The following SIPA1L3 variants were observed in gnomAD, a reference collection of about 807,000 sequenced individuals.
The protein encoded by SIPA1L3 is signal-induced proliferation-associated 1-like protein 3.
Under a neutral mutation model 150.1 loss-of-function variants are expected in SIPA1L3, and 59 were observed. The ratio of observed to expected loss-of-function variants is 0.39; its 90% CI spans 0.32 to 0.49. The LOEUF (loss-of-function observed/expected upper bound fraction) is 0.49, where lower values mean the gene tolerates loss of function less well. Ranked by LOEUF, SIPA1L3 falls within the 20% of genes least tolerant of loss-of-function variation. The probability of loss-of-function intolerance (pLI) is 0.86; values close to 1 mark genes in which losing one functional copy is unlikely to be tolerated. For missense variants in SIPA1L3, 2,211 were observed against 2,489.5 expected (o/e 0.89, Z 2.38); for synonymous variants, 1,070 against 1,077.6 (o/e 0.99, Z 0.14).
intron 1 of SIPA1L3, among the ~76,000 whole-genome samples, chr19:37,967,426 G>T (rs2046914129): frequency 6.6e-6 from 1 of 151,956 alleles, no homozygotes; most frequent in African/African-American, 2.4e-5. Flanking sequence ...GTTAATTTTT[G>T]TATTTTTAGT....
At chr19:37,979,799 G>A (rs1004544153) in intron 1 of SIPA1L3, among the ~76,000 whole-genome samples, 1 of 152,246 alleles carries the variant, frequency 6.6e-6, no homozygotes, top group African/African-American at 2.4e-5. Flanking sequence ...GTTAGAGACA[G>A]TTGGCTCTCA....
chr19:38,042,697 G>A (rs905708441), intron 2 of SIPA1L3, among the ~76,000 whole-genome samples: 10 of 152,158 alleles, frequency 6.6e-5, no homozygotes, highest in Admixed American at 2.0e-4. Flanking sequence ...GGCATATCTT[G>A]CTTTATCTTT....
intron 1 of SIPA1L3, among the ~76,000 whole-genome samples, chr19:37,995,326 G>A (rs1018990594): frequency 6.6e-6 from 1 of 152,132 alleles, no homozygotes; most frequent in African/African-American, 2.4e-5. Context: ...CCTTGCTATA[G>A]ATGAGAGAAA....
intron 2 of SIPA1L3, among the ~76,000 whole-genome samples, chr19:38,041,392 C>T (rs1453757332): frequency 6.7e-6 from 1 of 149,964 alleles, no homozygotes; most frequent in Non-Finnish European, 1.5e-5. Context: ...GATTCTCCTG[C>T]CTCAGCCTCC....
Position 38,082,036 on chromosome 19 carries a change from G to T in SIPA1L3, c.471G>T (p.Arg157=), listed in dbSNP as rs755649480. 1.2e-6 allele frequency: 2 copies of T among 1,614,030 alleles called. No individual in the cohort carries two copies. The highest frequency in any genetic ancestry group is 4.5e-5 in the East Asian group (2 of 44,880). The change falls in exon 3 of 22, where the codon CGG becomes CGT. Residue 157 remains arginine, a synonymous_variant. Coordinates refer to ENST00000222345, the MANE Select transcript of SIPA1L3 (RefSeq NM_015073.3). ...TGGAGTTCCAGGACGGGTGGCCCCGGTCCCCCGGCAGGGCCTTCCTCCCCC... is the reference window on the plus strand; with the variant it reads ...TGGAGTTCCAGGACGGGTGGCCCCGTTCCCCCGGCAGGGCCTTCCTCCCCC... ...KDVEFQDGWP[R]SPGRAFLPLR...
rs1568540608 is a variant in SIPA1L3 at position 38,082,812 on chromosome 19, G to C, written c.1247G>C (p.Gly416Ala). 1 of 1,613,696 alleles carries C rather than the reference G, an allele frequency of 6.2e-7. No homozygotes were observed. The highest frequency in any genetic ancestry group is 1.3e-5 in the African/African-American group (1 of 75,064). ...AAGGAGAACTTGGAGCAGGACCTCG[G>C]CGATGACAACAGCAACGACCTGCTG... ...NCKENLEQDL[G>A]DDNSNDLLLS... Residue 416 changes from glycine (G) to alanine (A), a missense_variant, in exon 3 of 22, where the codon GGC (glycine) becomes GCC (alanine). By Grantham distance (60) the Gly-to-Ala change is moderately conservative. Around this residue, in one of 5 missense-constraint regions of SIPA1L3, gnomAD observed 587 missense variants for 534.5 expected, o/e 1.10. Transcript: ENST00000222345.
In SIPA1L3 at chr19:38,182,755, G is replaced by A. The variant is rs769184214; in HGVS notation, c.4430+15G>A. On this transcript the variant is annotated intron_variant, in intron 16 of 21. Coordinates refer to ENST00000222345, the MANE Select transcript of SIPA1L3 (RefSeq NM_015073.3). ...GACCCAAAGAAGTAAGTGCCTGGACGTCCAGCGAGGCGCCCGCCAGATCCA... is the reference window on the plus strand; with the variant it reads ...GACCCAAAGAAGTAAGTGCCTGGACATCCAGCGAGGCGCCCGCCAGATCCA... 122 of 1,589,700 alleles carry A rather than the reference G, an allele frequency of 7.7e-5. 2 individuals carry two copies. Among genetic ancestry groups the A allele is most frequent in the South Asian group, 6.5e-4 (58 of 88,638 alleles).
chr19:37,934,720 GTAACAA>G (rs1370496858), intron 1 of SIPA1L3, among the ~76,000 whole-genome samples: 1 of 145,090 alleles, frequency 6.9e-6, no homozygotes, highest in African/African-American at 2.6e-5. Context: ...TTCACCCATG[GTAACAA>G]TCAAGGACTG....
intron 1 of SIPA1L3, among the ~76,000 whole-genome samples, chr19:37,927,276 C>G (rs1568466609): frequency 6.6e-6 from 1 of 151,600 alleles, no homozygotes; most frequent in Non-Finnish European, 1.5e-5. Context: ...TCCCGAGTAG[C>G]TGGGATTACA....
At chr19:38,146,779 A>C (rs1971710474) in intron 12 of SIPA1L3, among the ~76,000 whole-genome samples, 1 of 152,130 alleles carries the variant, frequency 6.6e-6, no homozygotes, top group South Asian at 2.1e-4. Flanking sequence ...GTGATATCTC[A>C]CTGTGATTTT....
intron 2 of SIPA1L3, among the ~76,000 whole-genome samples, chr19:38,054,986 C>T (rs983051509): frequency 6.6e-6 from 1 of 152,164 alleles, no homozygotes; most frequent in African/African-American, 2.4e-5. Flanking sequence ...ACGTTGGAAC[C>T]AAGACTTCTC....
At chr19:38,004,548 A>G (rs1967889574) in intron 1 of SIPA1L3, among the ~76,000 whole-genome samples, 1 of 152,152 alleles carries the variant, frequency 6.6e-6, no homozygotes, top group African/African-American at 2.4e-5. Context: ...CTCCCCTGAA[A>G]GTTGCACACC....
chr19:38,081,368 T>C lies in SIPA1L3; in HGVS notation c.-198T>C. On this transcript the variant is annotated 5_prime_UTR_variant, in exon 3 of 22. Coordinates refer to ENST00000222345, the MANE Select transcript of SIPA1L3 (RefSeq NM_015073.3). The stretch of plus-strand genomic sequence containing the variant: ...AGCCCCCAGGACAGCACCTGCTTCC[T>C]GAGGTTGTCCTGGCTCAGCTGTGCA... 1.8e-6 allele frequency: 1 copy of C among 569,446 alleles called. No homozygotes were observed. The highest frequency in any genetic ancestry group is 2.7e-5 in the South Asian group (1 of 37,710). 35.3% of individuals were successfully genotyped at this position (569,446 alleles called of 1,614,324 possible). A position where few individuals can be genotyped will look rare whatever the true frequency, so the allele number is the denominator to read the frequency against.
chr19:37,956,805 T>C (rs2046815749), intron 1 of SIPA1L3, among the ~76,000 whole-genome samples: 1 of 152,176 alleles, frequency 6.6e-6, no homozygotes, highest in Non-Finnish European at 1.5e-5. Flanking sequence ...TTTTTAATTT[T>C]GGAAATTCCG....
At chr19:37,920,038 C>T (rs1038572740) in intron 1 of SIPA1L3, among the ~76,000 whole-genome samples, 2 of 151,038 alleles carry the variant, frequency 1.3e-5, no homozygotes, top group Admixed American at 1.3e-4. Flanking sequence ...ACCCCTCTGG[C>T]CAGTGCTTCT....
At chr19:37,990,051 T>C (rs1967463308) in intron 1 of SIPA1L3, among the ~76,000 whole-genome samples, 1 of 152,088 alleles carries the variant, frequency 6.6e-6, no homozygotes, top group Non-Finnish European at 1.5e-5. Context: ...GGGTTTCACC[T>C]GGTGGAGTGG....
At chr19:38,081,230 C>T (rs1327780130) in intron 2 of SIPA1L3, 26 bp from the exon 3 acceptor site, 2 of 408,524 alleles carry the variant, frequency 4.9e-6, no homozygotes, top group Non-Finnish European at 8.6e-6. Context: ...CATCGCAGCT[C>T]ATATTTTCCT....
At chr19:37,989,959 G>A (rs1408520574) in intron 1 of SIPA1L3, among the ~76,000 whole-genome samples, 1 of 152,196 alleles carries the variant, frequency 6.6e-6, no homozygotes, top group Non-Finnish European at 1.5e-5. Flanking sequence ...CCATTGGAGA[G>A]TAGAGGATTT....
intron 1 of SIPA1L3, among the ~76,000 whole-genome samples, chr19:37,975,966 G>A (rs571943633): frequency 2.0e-5 from 3 of 152,216 alleles, no homozygotes; most frequent in Non-Finnish European, 2.9e-5. Flanking sequence ...TTAGTCATGC[G>A]TGGTGGCGGG....
Sources: gnomAD v4.1 joint callset for allele counts (sites outside exome capture counted in the v4.1 genomes callset) on GRCh38, gnomAD v4.1.1 for gene constraint, gnomAD v4.1.1 regional missense constraint, MANE v1.5 for transcripts, NCBI Gene and HGNC (gene_info 2026-07-23, HGNC 2026-07-21) for gene names.